XRCC5: variants seen among roughly 807,000 people sequenced by gnomAD.
XRCC5 encodes DNA repair protein Ku80.
A neutral mutation model predicts 95.7 loss-of-function variants in XRCC5; 12 were observed. That is an observed-to-expected ratio of 0.13 (90% CI 0.08 to 0.20). The LOEUF (loss-of-function observed/expected upper bound fraction) is 0.20, where lower values mean the gene tolerates loss of function less well. Ranked by LOEUF, XRCC5 falls within the 10% of genes least tolerant of loss-of-function variation. The pLI, the probability that XRCC5 is intolerant of heterozygous loss-of-function variation, is 1.00. For synonymous variants in XRCC5, 281 were observed against 290.3 expected (o/e 0.97, Z 0.33); for missense variants, 595 against 873.9 (o/e 0.68, Z 4.02).
At chr2:216,179,442 A>G (rs1377029224) in intron 16 of XRCC5, among the ~76,000 whole-genome samples, 6 of 152,170 alleles carry the variant, frequency 3.9e-5, no homozygotes, top group Admixed American at 1.3e-4. Context: ...GGGTGGGGAT[A>G]CTATTCAGCC....
intron 19 of XRCC5, 42 bp from the exon 20 acceptor site, chr2:216,204,279 CA>C: frequency 6.2e-7 from 1 of 1,611,244 alleles, no homozygotes; most frequent in Non-Finnish European, 8.5e-7. Context: ...TTCAAAGGGG[CA>C]AAAATATCAT....
At chr2:216,168,412 G>A (rs1291075795) in intron 16 of XRCC5, among the ~76,000 whole-genome samples, 1 of 152,080 alleles carries the variant, frequency 6.6e-6, no homozygotes. Context: ...CATTGAAATA[G>A]AGATGAAAAG....
chr2:216,138,084 A>T lies in XRCC5; in HGVS notation c.1252-5A>T. The T allele has an allele frequency of 6.2e-7, 1 of 1,602,468 alleles. No homozygotes were observed. The highest frequency in any genetic ancestry group is 8.5e-7 in the Non-Finnish European group (1 of 1,174,570). On this transcript the variant is annotated splice_region_variant and splice_polypyrimidine_tract_variant and intron_variant, in intron 11 of 20. Coordinates refer to ENST00000392132, the MANE Select transcript of XRCC5 (RefSeq NM_021141.4). ...TCTGCTTTTACCCCCTTTCTTTCTC[A>T]TTAGTGTTTAGTGTATGTGCAGCTG...
rs761134373 is a variant in XRCC5 at position 216,122,742 on chromosome 2, TTTGA to T, written c.683+494_683+497del. Among the ~76,000 whole-genome samples the T allele has an allele frequency of 9.3e-5, 14 of 151,006 alleles. No homozygotes were observed. The East Asian group carries it at 9.6e-4, about 10-fold the overall frequency. The stretch of plus-strand genomic sequence containing the variant: ...TTTTAAACTTTTGATCACAAAGCAG[TTTGA>T]TTGAGTGAAAAAAAAAAAAACCTGC... On this transcript the variant is annotated intron_variant, in intron 6 of 20. Transcript: ENST00000392132.
Position 216,122,098 on chromosome 2 carries a change from G to A in XRCC5, c.528G>A (p.Gly176=). The A allele has an allele frequency of 6.2e-7, 1 of 1,613,880 alleles. No individual in the cohort carries two copies. Among genetic ancestry groups the A allele is most frequent in the South Asian group, 1.1e-5 (1 of 91,058 alleles). The part of the protein sequence containing the change: ...PFSLGKEDGS[G]DRGDGPFRLG... ...CACTTGGCAAGGAAGATGGAAGTGG[G>A]GACAGAGGAGATGGCCCCTTTCGCT... Residue 176 remains glycine (G), a synonymous_variant, in exon 6 of 21, where the codon GGG becomes GGA. Transcript: ENST00000392132.
intron 13 of XRCC5, among the ~76,000 whole-genome samples, chr2:216,142,416 T>G (rs1484982703): frequency 6.6e-6 from 1 of 152,330 alleles, no homozygotes; most frequent in African/African-American, 2.4e-5. Flanking sequence ...CTTCTGAATC[T>G]GAGTCCAAAG....
chr2:216,185,141 C>T (rs1689472178), intron 16 of XRCC5, among the ~76,000 whole-genome samples: 1 of 152,130 alleles, frequency 6.6e-6, no homozygotes, highest in Admixed American at 6.5e-5. Flanking sequence ...TTCCTGAGTA[C>T]CAAGGGATGC....
chr2:216,169,498 G>A (rs1451478271), intron 16 of XRCC5, among the ~76,000 whole-genome samples: 2 of 152,178 alleles, frequency 1.3e-5, no homozygotes, highest in Non-Finnish European at 2.9e-5. Flanking sequence ...GTCAGCATCT[G>A]GTAGAGCTGC....
chr2:216,201,135 C>G (rs897634557), intron 19 of XRCC5, among the ~76,000 whole-genome samples: 1 of 152,176 alleles, frequency 6.6e-6, no homozygotes, highest in Non-Finnish European at 1.5e-5. Context: ...GAGAAACTGA[C>G]AGGGTTATAG....
chr2:216,162,303 C>T (rs868575243), intron 16 of XRCC5, among the ~76,000 whole-genome samples: 1 of 152,166 alleles, frequency 6.6e-6, no homozygotes, highest in Non-Finnish European at 1.5e-5. Context: ...AACACCTTGG[C>T]GCTTATAGCT....
At chr2:216,140,754 T>C (rs1277323680) in intron 12 of XRCC5, among the ~76,000 whole-genome samples, 2 of 152,250 alleles carry the variant, frequency 1.3e-5, no homozygotes, top group African/African-American at 4.8e-5. Context: ...ATTAAAGTCA[T>C]TAAAATGCTT....
chr2:216,192,920 A>T (rs1417455161), intron 18 of XRCC5, among the ~76,000 whole-genome samples, 185 bp downstream of exon 18: 1 of 152,212 alleles, frequency 6.6e-6, no homozygotes, highest in Non-Finnish European at 1.5e-5. Flanking sequence ...CTCTCCCTTA[A>T]TAAGCATAAA....
chr2:216,144,823 A>G (rs1246090773), intron 13 of XRCC5, among the ~76,000 whole-genome samples: 1 of 152,214 alleles, frequency 6.6e-6, no homozygotes, highest in Non-Finnish European at 1.5e-5. Flanking sequence ...GGGAGAGCAC[A>G]CTGGGTGAGT....
At chr2:216,119,777 A>G (rs1308466912) in intron 5 of XRCC5, among the ~76,000 whole-genome samples, 1 of 152,248 alleles carries the variant, frequency 6.6e-6, no homozygotes, top group Non-Finnish European at 1.5e-5. Context: ...TTCCTCCTCA[A>G]AAAGTAACTT....
chr2:216,175,864 A>C (rs1689263105), intron 16 of XRCC5: 6 of 430,682 alleles, frequency 1.4e-5, no homozygotes, highest in South Asian at 5.6e-5. Context: ...CTTTCTCAAA[A>C]TGTTCTCTTA....
At chr2:216,132,726 C>A (rs1413092874) in intron 10 of XRCC5, among the ~76,000 whole-genome samples, 1 of 152,192 alleles carries the variant, frequency 6.6e-6, no homozygotes, top group Non-Finnish European at 1.5e-5. Context: ...CAGTGACTCA[C>A]TAGACTGCTT....
chr2:216,172,469 C>CTTTTCTTTTTTT (rs1553576428), intron 16 of XRCC5, among the ~76,000 whole-genome samples: 2 of 107,800 alleles, frequency 1.9e-5, no homozygotes, highest in South Asian at 7.1e-4. Context: ...CTTTTCTTTT[C>CTTTTCTTTTTTT]TTTTTTTTTT....
At chr2:216,178,544 G>T (rs1689320262) in intron 16 of XRCC5, among the ~76,000 whole-genome samples, 1 of 152,092 alleles carries the variant, frequency 6.6e-6, no homozygotes, top group Non-Finnish European at 1.5e-5. Context: ...TCAAAGAAAA[G>T]AAAAAGGTGT....
chr2:216,143,305 T>G (rs1294672756), intron 13 of XRCC5, among the ~76,000 whole-genome samples: 2 of 152,236 alleles, frequency 1.3e-5, no homozygotes, highest in Non-Finnish European at 2.9e-5. Context: ...CCTTTGGTGT[T>G]TTTTTGGCAA....
Sources: allele counts gnomAD v4.1 joint callset (sites outside exome capture counted in the v4.1 genomes callset), GRCh38; gene constraint gnomAD v4.1.1; transcripts MANE v1.5; gene names NCBI Gene and HGNC (gene_info 2026-07-23, HGNC 2026-07-21).